VASH2: variants seen among roughly 807,000 people sequenced by gnomAD.
VASH2 encodes tubulinyl-Tyr carboxypeptidase 2.
Under a neutral mutation model 37.2 loss-of-function variants are expected in VASH2, and 28 were observed. The ratio of observed to expected loss-of-function variants is 0.75; its 90% CI spans 0.56 to 1.03. The LOEUF is 1.03. Among genes scored for constraint, VASH2 ranks in the 50% least tolerant of loss-of-function variants. VASH2 has a pLI of 0.00. For synonymous variants in VASH2, 188 were observed against 174.7 expected (o/e 1.08, Z -0.60); for missense variants, 419 against 459.1 (o/e 0.91, Z 0.80).
intron 7 of VASH2, 36 bp downstream of exon 7, chr1:212,974,106 A>G (rs1019344564): frequency 6.3e-7 from 1 of 1,581,454 alleles, no homozygotes; most frequent in African/African-American, 1.3e-5. Flanking sequence ...CTCAAAGCCC[A>G]ACACACACAT....
intron 2 of VASH2, among the ~76,000 whole-genome samples, chr1:212,960,734 C>G (rs1431145980): frequency 6.6e-6 from 1 of 152,158 alleles, no homozygotes; most frequent in Non-Finnish European, 1.5e-5. Context: ...TGCAGTAGAG[C>G]ACTTGTAGTG....
intron 2 of VASH2, among the ~76,000 whole-genome samples, chr1:212,957,127 G>T (rs986418434): frequency 3.3e-5 from 5 of 152,170 alleles, no homozygotes; most frequent in African/African-American, 1.2e-4. Context: ...TTCAATATTT[G>T]TCCTTTTGTG....
At chr1:212,964,679 G>GA (rs1026525378) in intron 3 of VASH2, among the ~76,000 whole-genome samples, 6 of 152,004 alleles carry the variant, frequency 3.9e-5, no homozygotes, top group South Asian at 2.1e-4. Flanking sequence ...GCATAGGCAT[G>GA]AAAAAAAGTG....
rs1228792212 is a variant in VASH2, at chr1:212,971,273, G to A, written c.498-1307G>A. On this transcript the variant is annotated intron_variant, in intron 5 of 7. Transcript: ENST00000517399. The surrounding 1 kb of genome is among the most constrained non-coding windows in gnomAD (Gnocchi z 4.0). Reference sequence around the variant, plus strand: ...TCAGAGCATGGGTGTACAAATACCTGCTGGGGTCGCTGCTTTCAATTCTTT... The same window carrying A: ...TCAGAGCATGGGTGTACAAATACCTACTGGGGTCGCTGCTTTCAATTCTTT... Among the ~76,000 whole-genome samples the A allele has an allele frequency of 6.6e-6, 1 of 152,180 alleles. No individual in the cohort carries two copies. Among genetic ancestry groups the A allele is most frequent in the Non-Finnish European group, 1.5e-5 (1 of 68,034 alleles).
chr1:212,973,470 T>C (rs1221782402), intron 6 of VASH2: 1 of 1,290,968 alleles, frequency 7.7e-7, no homozygotes, highest in Admixed American at 2.3e-5. Flanking sequence ...ACTTCAGGCC[T>C]GGCTATGTTT....
Position 212,989,808 on chromosome 1 carries a change from G to A in VASH2, c.*1224G>A, listed in dbSNP as rs963803326. The A allele has an allele frequency of 6.6e-6, 1 of 152,082 alleles. No individual in the cohort carries two copies. Among genetic ancestry groups the A allele is most frequent in the Non-Finnish European group, 1.5e-5 (1 of 68,030 alleles). 9.4% of individuals were successfully genotyped at this position (152,082 alleles called of 1,614,324 possible). On this transcript the variant is annotated 3_prime_UTR_variant, in exon 8 of 8. Transcript: ENST00000517399. ...TTCAGTCCCTAAGCACAGAATGAATGTCTGGCCTGCATATGGTAGTTACAG... is the reference window on the plus strand; with the variant it reads ...TTCAGTCCCTAAGCACAGAATGAATATCTGGCCTGCATATGGTAGTTACAG...
chr1:212,971,292 AT>A lies in VASH2; in HGVS notation c.498-1286del, dbSNP rs1667004662. Reference sequence around the variant, plus strand: ...ATACCTGCTGGGGTCGCTGCTTTCAATTCTTTTGGGTATGCACCCAGAAGTG... The same window carrying A: ...ATACCTGCTGGGGTCGCTGCTTTCAATCTTTTGGGTATGCACCCAGAAGTG... On this transcript the variant is annotated intron_variant, in intron 5 of 7. Coordinates refer to ENST00000517399, the MANE Select transcript of VASH2 (RefSeq NM_001301056.2). This position sits in a 1 kb window ranked among gnomAD's most constrained non-coding sequence, Gnocchi z 4.0. 6.6e-6 allele frequency among the ~76,000 whole-genome samples: 1 copy of A among 152,220 alleles called. No homozygotes were observed. The highest frequency in any genetic ancestry group is 2.4e-5 in the African/African-American group (1 of 41,454).
chr1:212,974,727 A>G (rs1322456971), intron 7 of VASH2: 1 of 152,216 alleles, frequency 6.6e-6, no homozygotes, highest in African/African-American at 2.4e-5. Flanking sequence ...AACTATAGCC[A>G]TCCTGGGAAA....
rs770643225 is a variant in VASH2 at position 212,975,265 on chromosome 1, T to C, written c.995+1195T>C. 2.0e-5 allele frequency among the ~76,000 whole-genome samples: 3 copies of C among 152,196 alleles called. No homozygotes were observed. In the South Asian group the frequency reaches 6.2e-4, roughly 32 times the overall value. On this transcript the variant is annotated intron_variant, in intron 7 of 7. Coordinates refer to ENST00000517399, the MANE Select transcript of VASH2 (RefSeq NM_001301056.2). The stretch of plus-strand genomic sequence containing the variant: ...AAGTATTTTCATTTCCAAGGAAGGT[T>C]CTTTACTTGCCCCATTCCGCGTCCT...
In VASH2 at chr1:212,966,551, G is replaced by A. The variant is rs117041487; in HGVS notation, c.497+206G>A. Among the ~76,000 whole-genome samples the A allele has an allele frequency of 8.5e-5, 13 of 152,292 alleles. No homozygotes were observed. The East Asian group carries it at 2.3e-3, about 27-fold the overall frequency. Reference sequence around the variant, plus strand: ...TGCTTGGCTTCTTGGACCAATATCAGTCTAACCTGTGAGCTTCAGCCTCCA... The same window carrying A: ...TGCTTGGCTTCTTGGACCAATATCAATCTAACCTGTGAGCTTCAGCCTCCA... On this transcript the variant is annotated intron_variant, in intron 5 of 7. Coordinates refer to ENST00000517399, the MANE Select transcript of VASH2 (RefSeq NM_001301056.2).
chr1:212,987,229 C>T (rs1025221941), intron 7 of VASH2, among the ~76,000 whole-genome samples: 2 of 151,808 alleles, frequency 1.3e-5, no homozygotes, highest in Admixed American at 1.3e-4. Flanking sequence ...AAATAAGAAA[C>T]CTTCTAACAA....
chr1:212,952,500 T>G (rs1209111656), intron 2 of VASH2: 3 of 152,344 alleles, frequency 2.0e-5, no homozygotes, highest in Non-Finnish European at 4.4e-5. Context: ...GTACACATGA[T>G]GAATTAGTCT....
At chr1:212,968,715 G>A (rs1181389662) in intron 5 of VASH2, 3 of 985,378 alleles carry the variant, frequency 3.0e-6, no homozygotes, top group African/African-American at 1.7e-5. Flanking sequence ...CAACTCTTTA[G>A]TGGCAGGAGT....
At position 212,989,557 on chromosome 1, in the gene VASH2, G is replaced by A. The variant is rs2075836690; in HGVS notation, c.*973G>A. 1 of 152,144 alleles carries A rather than the reference G, an allele frequency of 6.6e-6. No homozygotes were observed. Among genetic ancestry groups the A allele is most frequent in the African/African-American group, 2.4e-5 (1 of 41,428 alleles). The allele number at this position is 152,144 out of a possible 1,614,324, so 9.4% of individuals were successfully genotyped here. ...TGAGGCAGGCTTTGATTCTTCTGAAGGATGCCAAGAATCAAACTAAGGGAG... is the reference window on the plus strand; with the variant it reads ...TGAGGCAGGCTTTGATTCTTCTGAAAGATGCCAAGAATCAAACTAAGGGAG... On this transcript the variant is annotated 3_prime_UTR_variant, in exon 8 of 8. Transcript: ENST00000517399.
In VASH2 at chr1:212,988,545, G is replaced by A. The variant is rs773880738; in HGVS notation, c.1029G>A (p.Leu343=). 8.7e-6 allele frequency: 14 copies of A among 1,614,032 alleles called. No homozygotes were observed. The Admixed American group carries it at 2.0e-4, about 23-fold the overall frequency. ...TGCCTGAAAAGAAGGTGGCTGATCT[G>A]AGCACTCTGAATGAAGTGGGCTATC... ...PALPEKKVAD[L]STLNEVGYQI... The change falls in exon 8 of 8, where the codon CTG becomes CTA. Residue 343 remains leucine (L), a synonymous_variant. Transcript: ENST00000517399.
intron 7 of VASH2, 150 bp downstream of exon 7, chr1:212,974,220 T>C (rs190022127): frequency 1.0e-4 from 107 of 1,063,380 alleles, no homozygotes; most frequent in Admixed American, 7.7e-4. Context: ...AGGGGACATC[T>C]GTGGAAAAGG....
rs561175067 is a variant in VASH2 at position 212,988,564 on chromosome 1, G to A, written c.1048G>A (p.Gly350Ser). Reference protein sequence around the residue: ...VADLSTLNEVGYQIRI With the variant: ...VADLSTLNEVSYQIRI ...TGATCTGAGCACTCTGAATGAAGTG[G>A]GCTATCAAATCCGAATTTAGCCAAG... Residue 350 changes from glycine to serine, a missense_variant, in exon 8 of 8, where the codon GGC (glycine) becomes AGC (serine). Around this residue, in one of 3 missense-constraint regions of VASH2, gnomAD observed 177 missense variants for 166.2 expected, o/e 1.06. Coordinates refer to ENST00000517399, the MANE Select transcript of VASH2 (RefSeq NM_001301056.2). 1.2e-5 allele frequency: 20 copies of A among 1,614,136 alleles called. No homozygotes were observed. The African/African-American group carries it at 1.5e-4, about 12-fold the overall frequency.
chr1:212,986,562 C>T (rs952054320), intron 7 of VASH2, among the ~76,000 whole-genome samples: 2 of 152,206 alleles, frequency 1.3e-5, no homozygotes, highest in African/African-American at 4.8e-5. Flanking sequence ...AATCCCCAAG[C>T]AAACATGTGT....
intron 2 of VASH2, among the ~76,000 whole-genome samples, chr1:212,960,623 C>T (rs951338815): frequency 1.3e-5 from 2 of 152,212 alleles, no homozygotes; most frequent in African/African-American, 4.8e-5. Flanking sequence ...CTCCTGGACT[C>T]ATGTGATCCA....
Sources: gnomAD v4.1 joint callset for allele counts (sites outside exome capture counted in the v4.1 genomes callset) on GRCh38, gnomAD v4.1.1 for gene constraint, gnomAD v4.1.1 regional missense constraint, Gnocchi (gnomAD v3.1) non-coding constraint, MANE v1.5 for transcripts, NCBI Gene and HGNC (gene_info 2026-07-23, HGNC 2026-07-21) for gene names.